The following SHANK2 variants were observed in gnomAD, a reference collection of about 807,000 sequenced individuals.
The protein encoded by SHANK2 is SH3 and multiple ankyrin repeat domains protein 2.
A neutral mutation model predicts 133.7 loss-of-function variants in SHANK2; 43 were observed. That is an observed-to-expected ratio of 0.32 (90% CI 0.25 to 0.41). The LOEUF (loss-of-function observed/expected upper bound fraction) is 0.41, where lower values mean the gene tolerates loss of function less well. Among genes scored for constraint, SHANK2 ranks in the 10% least tolerant of loss-of-function variants. The pLI is 1.00. For missense variants in SHANK2, 1,994 were observed against 2,235.8 expected (o/e 0.89, Z 2.18); for synonymous variants, 1,017 against 952.8 (o/e 1.07, Z -1.24).
At chr11:70,613,958 T>A (rs1489712978) in intron 17 of SHANK2, among the ~76,000 whole-genome samples, 1 of 151,794 alleles carries the variant, frequency 6.6e-6, no homozygotes, top group Non-Finnish European at 1.5e-5. Flanking sequence ...AGAGACAGGG[T>A]CTTACTATGT....
chr11:70,468,814 A>C lies in SHANK2; in HGVS notation c.*4055T>G, dbSNP rs1338832336. ...GTGCCAAAGTAGAAGAAACTTTAGG[A>C]ACTAAAGACAACAAGTTTTCACTGG... On this transcript the variant is annotated 3_prime_UTR_variant, in exon 26 of 26. Transcript: ENST00000601538. The C allele has an allele frequency of 3.3e-5, 5 of 152,262 alleles. No homozygotes were observed. Among genetic ancestry groups the C allele is most frequent in the Admixed American group, 6.5e-5 (1 of 15,284 alleles). 9.4% of individuals were successfully genotyped at this position (152,262 alleles called of 1,614,324 possible).
chr11:70,673,525 G>C (rs1479702929), intron 15 of SHANK2, among the ~76,000 whole-genome samples: 3 of 152,236 alleles, frequency 2.0e-5, no homozygotes, highest in African/African-American at 7.2e-5. Context: ...GGGGTGGGGA[G>C]TAGATGGCCC....
rs1051943554 is a variant in SHANK2, at chr11:70,807,655, C to A, written c.1494-484G>T. Among the ~76,000 whole-genome samples, 1 of 152,074 alleles carries A rather than the reference C, an allele frequency of 6.6e-6. No homozygotes were observed. Among genetic ancestry groups the A allele is most frequent in the Admixed American group, 6.6e-5 (1 of 15,266 alleles). On this transcript the variant is annotated intron_variant, in intron 12 of 25. Coordinates refer to ENST00000601538, the MANE Select transcript of SHANK2 (RefSeq NM_012309.5). The surrounding 1 kb of genome is among the most constrained non-coding windows in gnomAD (Gnocchi z 4.8). ...GACCAGCACGGCCAACATGGTGAAA[C>A]CTCGTTGGTACTAAAAATTCAAAAA...
intron 10 of SHANK2, among the ~76,000 whole-genome samples, chr11:70,907,457 A>C (rs1265550892): frequency 6.6e-6 from 1 of 152,194 alleles, no homozygotes; most frequent in Non-Finnish European, 1.5e-5. Context: ...TACCAAAGAC[A>C]ACCTCCCCCC....
At chr11:71,162,057 T>C (rs1399643039) in intron 2 of SHANK2, among the ~76,000 whole-genome samples, 1 of 152,202 alleles carries the variant, frequency 6.6e-6, no homozygotes, top group Non-Finnish European at 1.5e-5. Flanking sequence ...CTGCTTTTTG[T>C]TCTGGAGCAT....
chr11:70,640,290 G>C lies in SHANK2; in HGVS notation c.2061+19538C>G, dbSNP rs576788270. 7.2e-5 allele frequency among the ~76,000 whole-genome samples: 11 copies of C among 152,330 alleles called. No homozygotes were observed. In the East Asian group the frequency reaches 1.9e-3, roughly 27 times the overall value. ...AAGTGTCTTTATAAGAGAGAGGCAG[G>C]GGGAGATTTGAGACACAGAATCGCA... is the stretch of plus-strand genomic sequence containing the variant. On this transcript the variant is annotated intron_variant, in intron 17 of 25. Transcript: ENST00000601538.
chr11:71,129,593 A>T (rs1952258854), intron 3 of SHANK2, among the ~76,000 whole-genome samples: 1 of 152,184 alleles, frequency 6.6e-6, no homozygotes, highest in African/African-American at 2.4e-5. Flanking sequence ...GCAGTGAACT[A>T]TGATTGCACC....
intron 11 of SHANK2, among the ~76,000 whole-genome samples, chr11:70,879,271 G>A (rs782666780): frequency 5.3e-5 from 8 of 152,202 alleles, no homozygotes; most frequent in Non-Finnish European, 2.9e-5. Flanking sequence ...CCTCCATAAC[G>A]TCTTTTCACT....
chr11:70,478,044 G>A (rs1219934368), intron 25 of SHANK2, among the ~76,000 whole-genome samples: 2 of 152,144 alleles, frequency 1.3e-5, no homozygotes, highest in African/African-American at 4.8e-5. Flanking sequence ...ATGTAGAAAT[G>A]TGAGAATTAA....
intron 17 of SHANK2, among the ~76,000 whole-genome samples, chr11:70,537,834 G>A (rs2059565238): frequency 6.6e-6 from 1 of 152,208 alleles, no homozygotes; most frequent in Admixed American, 6.5e-5. Context: ...GCCAGGCCTG[G>A]TGTAGCCGAC....
intron 10 of SHANK2, among the ~76,000 whole-genome samples, chr11:70,955,296 A>G (rs1366065031): frequency 6.6e-6 from 1 of 152,134 alleles, no homozygotes; most frequent in African/African-American, 2.4e-5. Context: ...GCCAGGTGCT[A>G]AAGTCCCTGT....
chr11:70,941,018 T>A (rs11238037), intron 10 of SHANK2, among the ~76,000 whole-genome samples: 43,117 of 152,058 alleles, frequency 0.28, 7,250 homozygotes, highest in African/African-American at 0.47. Flanking sequence ...TAGAGATTTA[T>A]GGGTTTGAAT....
intron 17 of SHANK2, among the ~76,000 whole-genome samples, chr11:70,553,897 C>G: frequency 6.6e-6 from 1 of 152,230 alleles, no homozygotes; most frequent in South Asian, 2.1e-4. Context: ...GATAAGCTCA[C>G]TTGCAATGGG....
chr11:70,677,790 G>A lies in SHANK2; in HGVS notation c.1854-16112C>T, dbSNP rs182770260. 1.3e-3 allele frequency among the ~76,000 whole-genome samples: 201 copies of A among 152,276 alleles called. 2 individuals carry two copies. Among genetic ancestry groups the A allele is most frequent in the African/African-American group, 4.7e-3 (194 of 41,556 alleles). On this transcript the variant is annotated intron_variant, in intron 15 of 25. Coordinates refer to ENST00000601538, the MANE Select transcript of SHANK2 (RefSeq NM_012309.5). ...CTCCCTCTCACACTGCTCTGCACTCGACCACCAAAGCCAGGGTCCTTGCGT... is the reference window on the plus strand; with the variant it reads ...CTCCCTCTCACACTGCTCTGCACTCAACCACCAAAGCCAGGGTCCTTGCGT...
chr11:71,245,427 G>C (rs138866555), intron 1 of SHANK2, among the ~76,000 whole-genome samples: 1 of 152,210 alleles, frequency 6.6e-6, no homozygotes, highest in East Asian at 1.9e-4. Context: ...CAATAGATTC[G>C]TGCTCATACA....
At chr11:70,580,335 C>T (rs1265561208) in intron 17 of SHANK2, among the ~76,000 whole-genome samples, 5 of 152,210 alleles carry the variant, frequency 3.3e-5, no homozygotes, top group African/African-American at 1.2e-4. Flanking sequence ...AGAGCTCAGC[C>T]CTGTACCCCA....
chr11:70,765,704 C>A (rs1283843941), intron 14 of SHANK2, among the ~76,000 whole-genome samples: 11 of 152,150 alleles, frequency 7.2e-5, no homozygotes, highest in Admixed American at 5.2e-4. Context: ...AAATCCCCTG[C>A]GAGAGACCCA....
chr11:70,934,630 C>T (rs1555083152), intron 10 of SHANK2, among the ~76,000 whole-genome samples: 1 of 152,206 alleles, frequency 6.6e-6, no homozygotes, highest in African/African-American at 2.4e-5. Flanking sequence ...AAATCAAAGC[C>T]ACCATCAATT....
chr11:71,125,855 C>T (rs1295586610), intron 3 of SHANK2, among the ~76,000 whole-genome samples: 2 of 152,192 alleles, frequency 1.3e-5, no homozygotes, highest in South Asian at 4.2e-4. Context: ...GGGGCTAATG[C>T]AGCTGGTGAC....
Sources: allele counts gnomAD v4.1 joint callset (sites outside exome capture counted in the v4.1 genomes callset), GRCh38; gene constraint gnomAD v4.1.1; non-coding constraint Gnocchi (gnomAD v3.1); transcripts MANE v1.5; gene names NCBI Gene and HGNC (gene_info 2026-07-23, HGNC 2026-07-21).